OR8B3: variants seen among roughly 807,000 people sequenced by gnomAD.
OR8B3 encodes olfactory receptor family 8 subfamily B member 3, also known as olfactory receptor 8B3.
For synonymous variants in OR8B3, 102 were observed against 135.4 expected (o/e 0.75, Z 1.71); for missense variants, 278 against 377.6 (o/e 0.74, Z 2.19).
At chr11:124,402,692 A>G (rs1444867028), upstream of OR8B3, among the ~76,000 whole-genome samples, 2 of 152,230 alleles carry the variant, frequency 1.3e-5, no homozygotes, top group African/African-American at 4.8e-5. Flanking sequence ...AAGCTATTTA[A>G]TCAGGCATCT....
chr11:124,406,065 G>T, the OR8B3 span, among the ~76,000 whole-genome samples: 1 of 152,178 alleles, frequency 6.6e-6, no homozygotes, highest in Non-Finnish European at 1.5e-5. Flanking sequence ...ATGCCTTTGG[G>T]ATTGTGTTAG....
upstream of OR8B3, among the ~76,000 whole-genome samples, chr11:124,400,019 A>G (rs980491490): frequency 8.6e-5 from 13 of 151,688 alleles, no homozygotes; most frequent in Admixed American, 8.6e-4. Context: ...TGCCACCACC[A>G]TTGGATAATT....
chr11:124,403,471 G>C (rs1328891012), upstream of OR8B3, among the ~76,000 whole-genome samples: 1 of 150,398 alleles, frequency 6.6e-6, no homozygotes, highest in Non-Finnish European at 1.5e-5. Context: ...TCACCTCCCA[G>C]ATGGGGTCGC....
rs1239202523 is a variant in OR8B3, at chr11:124,396,989, A to G, written c.363T>C (p.Asp121=). The part of the protein sequence containing the change: ...ECYMLTSMAY[D]RYVAICNPLL... ...ATGGATTACAGATGGCCACATAGCGATCATATGCCATTGAGGTCAACATGT... is the reference window on the plus strand; with the variant it reads ...ATGGATTACAGATGGCCACATAGCGGTCATATGCCATTGAGGTCAACATGT... The change falls in exon 2 of 2, where the codon GAT becomes GAC. Residue 121 remains aspartate, a synonymous_variant. Coordinates refer to ENST00000641139, the MANE Select transcript of OR8B3 (RefSeq NM_001005467.2). The G allele has an allele frequency of 6.2e-6, 10 of 1,613,710 alleles. No individual in the cohort carries two copies. The highest frequency in any genetic ancestry group is 2.2e-5 in the East Asian group (1 of 44,884).
At chr11:124,406,793 CCACACACACACA>C in the OR8B3 span, among the ~76,000 whole-genome samples, 23 of 145,200 alleles carry the variant, frequency 1.6e-4, no homozygotes, top group South Asian at 4.5e-4. Context: ...CTCCTTCTCA[CCACACACACACA>C]CACACACACA....
chr11:124,407,568 C>A, the OR8B3 span, among the ~76,000 whole-genome samples: 1 of 152,066 alleles, frequency 6.6e-6, no homozygotes, highest in Non-Finnish European at 1.5e-5. Context: ...GCCAGGTCAT[C>A]CAGGTTACCC....
At chr11:124,403,472 A>T (rs1861030576), upstream of OR8B3, among the ~76,000 whole-genome samples, 1 of 151,450 alleles carries the variant, frequency 6.6e-6, no homozygotes, top group Non-Finnish European at 1.5e-5. Context: ...CACCTCCCAG[A>T]TGGGGTCGCG....
At chr11:124,403,792 G>C (rs1861038324), upstream of OR8B3, among the ~76,000 whole-genome samples, 1 of 152,212 alleles carries the variant, frequency 6.6e-6, no homozygotes, top group Non-Finnish European at 1.5e-5. Context: ...AGCGAGCCGA[G>C]ATCACGCCAC....
At chr11:124,408,958 C>G in the OR8B3 span, among the ~76,000 whole-genome samples, 6 of 152,194 alleles carry the variant, frequency 3.9e-5, no homozygotes, top group African/African-American at 1.2e-4. Flanking sequence ...CTGAGAGGAG[C>G]AGTACCTCTG....
the OR8B3 span, chr11:124,404,254 CT>C: frequency 6.6e-6 from 1 of 152,170 alleles, no homozygotes; most frequent in Non-Finnish European, 1.5e-5. Flanking sequence ...GTGTTTTCAA[CT>C]TTTTCAGAAG....
chr11:124,407,806 C>CTTAATT, the OR8B3 span, among the ~76,000 whole-genome samples: 2 of 151,992 alleles, frequency 1.3e-5, no homozygotes, highest in Non-Finnish European at 2.9e-5. Context: ...CAGTTTAAAG[C>CTTAATT]TTAATTTTTC....
chr11:124,406,835 TCTTATC>T, the OR8B3 span, among the ~76,000 whole-genome samples: 1 of 150,586 alleles, frequency 6.6e-6, no homozygotes, highest in Admixed American at 6.6e-5. Context: ...ACACGCACAA[TCTTATC>T]CTTGTAATAT....
rs189311027 is a variant in OR8B3 at position 124,398,679 on chromosome 11, G to A, written c.-18+11C>T. The A allele has an allele frequency of 3.9e-5, 6 of 152,280 alleles. No homozygotes were observed. The East Asian group carries it at 1.2e-3, about 29-fold the overall frequency. The allele number at this position is 152,280 out of a possible 1,614,324, so 9.4% of individuals were successfully genotyped here. A position where few individuals can be genotyped will look rare whatever the true frequency, so the allele number is the denominator to read the frequency against. ...ATCCAGGAGAGAGAAATAGAAACTT[G>A]ATTAACTCACCTTCCTTCCACTCAG... On this transcript the variant is annotated intron_variant, in intron 1 of 1. Transcript: ENST00000641139.
Position 124,396,457 on chromosome 11 carries a change from C to T in OR8B3, c.895G>A (p.Ala299Thr), listed in dbSNP as rs375945923. The T allele has an allele frequency of 1.2e-6, 2 of 1,613,220 alleles. No homozygotes were observed. The highest frequency in any genetic ancestry group is 2.7e-5 in the African/African-American group (2 of 74,822). Residue 299 changes from alanine to threonine, a missense_variant, in exon 2 of 2, where the codon GCA becomes ACA. Physicochemically the swap from Ala to Thr is moderately conservative, Grantham distance 58. Coordinates refer to ENST00000641139, the MANE Select transcript of OR8B3 (RefSeq NM_001005467.2). ...ATTTTAATCAGAGCTTTCCTCAGTGCAACTTTGACATCCTTGTTCCTCAAA... is the reference window on the plus strand; with the variant it reads ...ATTTTAATCAGAGCTTTCCTCAGTGTAACTTTGACATCCTTGTTCCTCAAA... ...YSLRNKDVKV[A>T]LRKALIKIQR...
the OR8B3 span, among the ~76,000 whole-genome samples, chr11:124,407,430 C>A: frequency 6.6e-6 from 1 of 152,076 alleles, no homozygotes; most frequent in Non-Finnish European, 1.5e-5. Context: ...ACTCTCATGT[C>A]CCCTAATATT....
At chr11:124,403,429 TCTCAGACGGGGCG>T (rs1861029070), upstream of OR8B3, among the ~76,000 whole-genome samples, 1 of 149,986 alleles carries the variant, frequency 6.7e-6, no homozygotes, top group African/African-American at 2.5e-5. Context: ...GCTCCTCACT[TCTCAGACGGGGCG>T]GCCGGGCAGA....
chr11:124,395,932 A>T lies in OR8B3; in HGVS notation c.*478T>A, dbSNP rs1228643237. ...TGACAATATAGAACAAAAGGACAAG[A>T]TCAAGGGGTGCTCATTCTGCTTTAA... On this transcript the variant is annotated 3_prime_UTR_variant, in exon 2 of 2. Coordinates refer to ENST00000641139, the MANE Select transcript of OR8B3 (RefSeq NM_001005467.2). 1 of 154,130 alleles carries T rather than the reference A, an allele frequency of 6.5e-6. No individual in the cohort carries two copies. Among genetic ancestry groups the T allele is most frequent in the East Asian group, 1.9e-4 (1 of 5,226 alleles). 9.5% of individuals were successfully genotyped at this position (154,130 alleles called of 1,614,324 possible). A position where few individuals can be genotyped will look rare whatever the true frequency, so the allele number is the denominator to read the frequency against.
intron 1 of OR8B3, among the ~76,000 whole-genome samples, chr11:124,397,948 G>T (rs1270163973): frequency 6.6e-6 from 1 of 152,098 alleles, no homozygotes; most frequent in African/African-American, 2.4e-5. Context: ...ACCTGCCTCA[G>T]CCTCCCAAAG....
chr11:124,408,628 G>A, the OR8B3 span, among the ~76,000 whole-genome samples: 1 of 152,152 alleles, frequency 6.6e-6, no homozygotes, highest in Non-Finnish European at 1.5e-5. Flanking sequence ...CACAATCCCT[G>A]TGACCCCTTG....
Sources: gnomAD v4.1 joint callset for allele counts (sites outside exome capture counted in the v4.1 genomes callset) on GRCh38, gnomAD v4.1.1 for gene constraint, MANE v1.5 for transcripts, NCBI Gene and HGNC (gene_info 2026-07-23, HGNC 2026-07-21) for gene names.